The following FAM13A variants were observed in gnomAD, a reference collection of about 807,000 sequenced individuals.
The protein encoded by FAM13A is family with sequence similarity 13 member A, also known as protein FAM13A.
In FAM13A, 76 loss-of-function variants were observed where a neutral mutation model predicts 129.6. The observed-to-expected ratio is 0.59, with a 90% confidence interval of 0.49 to 0.71. FAM13A has a LOEUF of 0.71. Ranked by LOEUF, FAM13A falls within the 30% of genes least tolerant of loss-of-function variation. FAM13A has a pLI of 0.00. For synonymous variants in FAM13A, 443 were observed against 449.9 expected (o/e 0.98, Z 0.20); for missense variants, 1,108 against 1,249.3 (o/e 0.89, Z 1.70).
At chr4:88,895,111 A>T (rs1289553285) in intron 6 of FAM13A, among the ~76,000 whole-genome samples, 1 of 150,778 alleles carries the variant, frequency 6.6e-6, no homozygotes, top group Non-Finnish European at 1.5e-5. Context: ...AATATACATT[A>T]GTTAGTACAA....
At chr4:88,902,698 C>T (rs960887733) in intron 6 of FAM13A, among the ~76,000 whole-genome samples, 4 of 152,168 alleles carry the variant, frequency 2.6e-5, no homozygotes, top group Admixed American at 1.3e-4. Flanking sequence ...AAAGCTGACA[C>T]AAGACAAGGA....
At chr4:88,799,199 G>A (rs1362945236) in intron 8 of FAM13A, among the ~76,000 whole-genome samples, 1 of 152,192 alleles carries the variant, frequency 6.6e-6, no homozygotes, top group Non-Finnish European at 1.5e-5. Flanking sequence ...CCATTCCTCA[G>A]TTATACTGTT....
At chr4:88,789,086 T>C (rs1276146591) in intron 9 of FAM13A, among the ~76,000 whole-genome samples, 1 of 152,124 alleles carries the variant, frequency 6.6e-6, no homozygotes, top group Non-Finnish European at 1.5e-5. Context: ...AAATAACATA[T>C]TCATGAGGAT....
chr4:88,876,083 C>A (rs183547471), intron 6 of FAM13A, among the ~76,000 whole-genome samples: 1 of 152,040 alleles, frequency 6.6e-6, no homozygotes, highest in Non-Finnish European at 1.5e-5. Flanking sequence ...TAGGTAAGAA[C>A]TGAACAATGA....
intron 6 of FAM13A, among the ~76,000 whole-genome samples, chr4:88,876,158 G>A (rs1742420232): frequency 6.6e-6 from 1 of 152,110 alleles, no homozygotes; most frequent in Admixed American, 6.5e-5. Context: ...GGGGGCTGGG[G>A]GAGGGATAGC....
chr4:88,748,628 A>G (rs1741888232), intron 17 of FAM13A, among the ~76,000 whole-genome samples: 1 of 150,404 alleles, frequency 6.6e-6, no homozygotes, highest in African/African-American at 2.4e-5. Flanking sequence ...CTCTGTGTCT[A>G]CTTGTTTGCT....
rs1269913731 is a variant in FAM13A, at chr4:88,750,652, C to A, written c.1727-15G>T. The A allele has an allele frequency of 3.2e-6, 5 of 1,560,272 alleles. No individual in the cohort carries two copies. Among genetic ancestry groups the A allele is most frequent in the Non-Finnish European group, 4.3e-6 (5 of 1,159,828 alleles). ...AGGGATAGGCTCTGGAAGATAAGGG[C>A]AGTAAGATCAGGACTGTTCCTGAAA... On this transcript the variant is annotated splice_polypyrimidine_tract_variant and intron_variant, in intron 14 of 23. Coordinates refer to ENST00000264344, the MANE Select transcript of FAM13A (RefSeq NM_014883.4).
At position 88,929,604 on chromosome 4, in the gene FAM13A, G is replaced by C. The variant is rs188303494; in HGVS notation, c.759+8484C>G. Among the ~76,000 whole-genome samples, 206 of 144,876 alleles carry C rather than the reference G, an allele frequency of 1.4e-3. 2 individuals are homozygous for C. The highest frequency in any genetic ancestry group is 5.0e-3 in the African/African-American group (195 of 39,198). On this transcript the variant is annotated intron_variant, in intron 5 of 23. Transcript: ENST00000264344. ...CTTTTTTTCCTTTTTTTTTCTTTTT[G>C]TCTGACTGGATTATTTCAAAAGACC...
At chr4:88,865,764 C>T (rs1740284802) in intron 6 of FAM13A, among the ~76,000 whole-genome samples, 1 of 152,160 alleles carries the variant, frequency 6.6e-6, no homozygotes. Context: ...GGCTGTGTTC[C>T]TACAAAACTA....
At chr4:89,022,418 A>T (rs1767396097) in intron 2 of FAM13A, among the ~76,000 whole-genome samples, 1 of 152,196 alleles carries the variant, frequency 6.6e-6, no homozygotes, top group Admixed American at 6.5e-5. Context: ...TTTGGCTGTG[A>T]AGAAAATCAA....
intron 8 of FAM13A, among the ~76,000 whole-genome samples, chr4:88,794,872 CATCTT>C (rs1483388089): frequency 6.6e-6 from 1 of 151,702 alleles, no homozygotes; most frequent in African/African-American, 2.4e-5. Flanking sequence ...TTTTTAGTAT[CATCTT>C]AAAATACGAT....
chr4:89,009,534 C>T (rs1047717773), intron 3 of FAM13A, among the ~76,000 whole-genome samples: 2 of 152,114 alleles, frequency 1.3e-5, no homozygotes, highest in Non-Finnish European at 2.9e-5. Flanking sequence ...AATGTTATTC[C>T]AATCACAAAA....
intron 4 of FAM13A, among the ~76,000 whole-genome samples, chr4:88,980,664 T>C (rs1761546718): frequency 6.6e-6 from 1 of 152,220 alleles, no homozygotes; most frequent in African/African-American, 2.4e-5. Flanking sequence ...TATAAATATG[T>C]GATCCTACAG....
chr4:88,969,243 T>G (rs1308700997), intron 4 of FAM13A, among the ~76,000 whole-genome samples: 1 of 152,214 alleles, frequency 6.6e-6, no homozygotes, highest in Non-Finnish European at 1.5e-5. Flanking sequence ...AGGATAATTT[T>G]CATAATTTCT....
At position 88,805,040 on chromosome 4, in the gene FAM13A, A is replaced by G; in HGVS notation, c.1020T>C (p.Asp340=). ...SAKLVPSSQE[D]ERPLSPFYLS... ...AATAGAAAGGTGACAGAGGTCTTTC[A>G]TCTTCCTGTGAACTAAAAGGAAAAT... The change falls in exon 8 of 24, where the codon GAT becomes GAC. Residue 340 remains aspartate (D), a synonymous_variant. Coordinates refer to ENST00000264344, the MANE Select transcript of FAM13A (RefSeq NM_014883.4). 1 of 1,546,782 alleles carries G rather than the reference A, an allele frequency of 6.5e-7. No homozygotes were observed. The highest frequency in any genetic ancestry group is 8.9e-7 in the Non-Finnish European group (1 of 1,122,106).
rs561037266 is a variant in FAM13A at position 88,867,887 on chromosome 4, T to C, written c.844-16704A>G. 2.6e-5 allele frequency among the ~76,000 whole-genome samples: 4 copies of C among 152,284 alleles called. No homozygotes were observed. The South Asian group carries it at 6.2e-4, about 24-fold the overall frequency. On this transcript the variant is annotated intron_variant, in intron 6 of 23. Coordinates refer to ENST00000264344, the MANE Select transcript of FAM13A (RefSeq NM_014883.4). ...AACAACAGTTAATTGAAAAGAAAAGTGGTGGCTCAAAGGGCAACACGCAAT... is the reference window on the plus strand; with the variant it reads ...AACAACAGTTAATTGAAAAGAAAAGCGGTGGCTCAAAGGGCAACACGCAAT...
intron 4 of FAM13A, among the ~76,000 whole-genome samples, chr4:88,946,696 CT>C (rs545751558): frequency 2.0e-5 from 3 of 150,556 alleles, no homozygotes; most frequent in South Asian, 2.1e-4. Context: ...TCTGGCTCAG[CT>C]TTTTTTTTAT....
chr4:88,869,357 T>C (rs896872306), intron 6 of FAM13A, among the ~76,000 whole-genome samples: 5 of 152,232 alleles, frequency 3.3e-5, no homozygotes, highest in African/African-American at 1.2e-4. Context: ...CTTGGCAGGC[T>C]TTCTCCAGCC....
At chr4:88,737,739 T>C in intron 20 of FAM13A, 184 bp from the exon 21 acceptor site, 1 of 609,824 alleles carries the variant, frequency 1.6e-6, no homozygotes, top group Admixed American at 2.9e-5. Context: ...GCTGCTTCCC[T>C]TCAGCGCCCA....
Sources: allele counts gnomAD v4.1 joint callset (sites outside exome capture counted in the v4.1 genomes callset), GRCh38; gene constraint gnomAD v4.1.1; transcripts MANE v1.5; gene names NCBI Gene and HGNC (gene_info 2026-07-23, HGNC 2026-07-21).